Variants in GAPVD1 observed in about 807,000 individuals in gnomAD.
GAPVD1 encodes GTPase-activating protein and VPS9 domain-containing protein 1.
A neutral mutation model predicts 155.5 loss-of-function variants in GAPVD1; 35 were observed. The ratio of observed to expected loss-of-function variants is 0.23; its 90% CI spans 0.17 to 0.30. The LOEUF is 0.30. Ranked by LOEUF, GAPVD1 falls within the 10% of genes least tolerant of loss-of-function variation. GAPVD1 has a pLI of 1.00. For synonymous variants in GAPVD1, 636 were observed against 619.7 expected (o/e 1.03, Z -0.39); for missense variants, 1,429 against 1,775.7 (o/e 0.80, Z 3.51).
At chr9:125,355,051 A>G (rs1438072055) in intron 24 of GAPVD1, among the ~76,000 whole-genome samples, 1 of 152,234 alleles carries the variant, frequency 6.6e-6, no homozygotes, top group Non-Finnish European at 1.5e-5. Flanking sequence ...TACTTTTTAA[A>G]TTGGGGACAT....
chr9:125,301,960 GCT>G (rs1167037999), intron 4 of GAPVD1, 21 bp from the exon 5 acceptor site: 1 of 1,309,192 alleles, frequency 7.6e-7, no homozygotes, highest in South Asian at 1.4e-5. Flanking sequence ...TTGCTTGTTT[GCT>G]CTTTTTTTTT....
At chr9:125,281,202 A>C (rs1374199372) in intron 2 of GAPVD1, among the ~76,000 whole-genome samples, 1 of 152,220 alleles carries the variant, frequency 6.6e-6, no homozygotes, top group Non-Finnish European at 1.5e-5. Flanking sequence ...TGATAATTAC[A>C]GTGTTCGAAT....
intron 18 of GAPVD1, chr9:125,341,956 G>T: frequency 3.1e-6 from 1 of 318,212 alleles, no homozygotes; most frequent in Non-Finnish European, 5.8e-6. Context: ...TTGAGCAGAG[G>T]TTAAGAGTCA....
chr9:125,360,473 T>C (rs1184308591), intron 26 of GAPVD1, 55 bp from the exon 27 acceptor site: 2 of 1,424,050 alleles, frequency 1.4e-6, no homozygotes, highest in Non-Finnish European at 2.0e-6. Flanking sequence ...CAGTAGTCAC[T>C]GCGCAGGGTT....
chr9:125,316,833 GT>G (rs1843496163), intron 9 of GAPVD1, among the ~76,000 whole-genome samples: 1 of 152,202 alleles, frequency 6.6e-6, no homozygotes, highest in East Asian at 1.9e-4. Context: ...TTCCATAACA[GT>G]TGAACTAATT....
intron 4 of GAPVD1, 78 bp downstream of exon 4, chr9:125,299,184 G>A (rs1177292743): frequency 1.4e-6 from 1 of 731,318 alleles, no homozygotes; most frequent in African/African-American, 1.8e-5. Flanking sequence ...ATAAATAAAT[G>A]AATCTGTTTC....
chr9:125,306,456 T>G (rs867069832), intron 6 of GAPVD1, among the ~76,000 whole-genome samples: 7 of 152,178 alleles, frequency 4.6e-5, no homozygotes, highest in Non-Finnish European at 8.8e-5. Flanking sequence ...AGTAGCACAA[T>G]GTGTATACTG....
chr9:125,313,062 C>T (rs528139806), intron 9 of GAPVD1, among the ~76,000 whole-genome samples: 24 of 152,236 alleles, frequency 1.6e-4, no homozygotes, highest in African/African-American at 5.5e-4. Context: ...TGAGGTGATC[C>T]GCCTGCCTTT....
intron 2 of GAPVD1, among the ~76,000 whole-genome samples, chr9:125,276,945 G>T (rs1013760339): frequency 6.6e-6 from 1 of 151,450 alleles, no homozygotes. Context: ...TTTTTTTTTC[G>T]TAAATATGGA....
Position 125,346,892 on chromosome 9 carries a change from T to A in GAPVD1, c.3120T>A (p.Ile1040=). The change falls in exon 20 of 28, where the codon ATT becomes ATA. Residue 1040 remains isoleucine (I), a synonymous_variant. Coordinates refer to ENST00000297933, the MANE Select transcript of GAPVD1 (RefSeq NM_001282680.3). ...TTCTGGACAAATACAGGAATGCCAT[T>A]AAACGGACCAGCCCCAGTGATGGAG... ...EDILDKYRNA[I]KRTSPSDGAM... 1 of 1,613,362 alleles carries A rather than the reference T, an allele frequency of 6.2e-7. No homozygotes were observed. Among genetic ancestry groups the A allele is most frequent in the South Asian group, 1.1e-5 (1 of 91,070 alleles).
In GAPVD1 at chr9:125,302,790, T is replaced by A; in HGVS notation, c.993T>A (p.Ala331=). The A allele has an allele frequency of 6.2e-7, 1 of 1,610,508 alleles. No homozygotes were observed. Among genetic ancestry groups the A allele is most frequent in the South Asian group, 1.1e-5 (1 of 90,248 alleles). ...AACAATATGGAATAATTTCCGATGC[T>A]CCTATTAATGAAGTAGCACGATTTA... is the stretch of plus-strand genomic sequence containing the variant. ...NPEQYGIISD[A]PINEVARFNL... is the part of the protein sequence containing the mutation. The change falls in exon 5 of 28, where the codon GCT becomes GCA. Residue 331 remains alanine (A), a synonymous_variant. Coordinates refer to ENST00000297933, the MANE Select transcript of GAPVD1 (RefSeq NM_001282680.3).
At chr9:125,350,935 A>G in intron 23 of GAPVD1, 63 bp downstream of exon 23, 1 of 1,293,750 alleles carries the variant, frequency 7.7e-7, no homozygotes, top group Non-Finnish European at 1.1e-6. Context: ...TTTCTTTTTT[A>G]TCCTTATTTC....
chr9:125,274,273 C>A (rs1424330105), intron 2 of GAPVD1, among the ~76,000 whole-genome samples: 1 of 151,886 alleles, frequency 6.6e-6, no homozygotes, highest in Non-Finnish European at 1.5e-5. Flanking sequence ...CGGCCTCGGC[C>A]TCTCAAAGTG....
rs538958805 is a variant in GAPVD1 at position 125,358,990 on chromosome 9, C to T, written c.3972-430C>T. ...TTCCCTTTTTAAGCCTACTTCTCTT[C>T]ATCTACAAAGTGAAAGGTTGGGTGA... is the stretch of plus-strand genomic sequence containing the variant. On this transcript the variant is annotated intron_variant, in intron 25 of 27. Coordinates refer to ENST00000297933, the MANE Select transcript of GAPVD1 (RefSeq NM_001282680.3). Among the ~76,000 whole-genome samples, 3 of 152,372 alleles carry T rather than the reference C, an allele frequency of 2.0e-5. No individual in the cohort carries two copies. In the South Asian group the frequency reaches 6.2e-4, roughly 32 times the overall value.
At chr9:125,298,332 T>C (rs1253452133) in intron 3 of GAPVD1, among the ~76,000 whole-genome samples, 3 of 152,198 alleles carry the variant, frequency 2.0e-5, no homozygotes, top group Non-Finnish European at 4.4e-5. Flanking sequence ...AGCACCTGTC[T>C]CTAAGCGGTG....
intron 19 of GAPVD1, chr9:125,345,873 G>A (rs915695243): frequency 2.0e-5 from 3 of 152,022 alleles, no homozygotes; most frequent in Non-Finnish European, 1.5e-5. Flanking sequence ...ATAAGTGTGT[G>A]TGTGTGTGTG....
intron 2 of GAPVD1, among the ~76,000 whole-genome samples, chr9:125,291,111 A>G (rs1838525546): frequency 6.6e-6 from 1 of 151,868 alleles, no homozygotes; most frequent in African/African-American, 2.4e-5. Context: ...ACATAGGGAG[A>G]CCTCATCTCT....
intron 19 of GAPVD1, among the ~76,000 whole-genome samples, chr9:125,345,732 T>C (rs1033001887): frequency 2.0e-5 from 3 of 152,202 alleles, no homozygotes; most frequent in African/African-American, 7.2e-5. Context: ...GTTTGATCAG[T>C]AGTTGAGATA....
intron 9 of GAPVD1, among the ~76,000 whole-genome samples, chr9:125,315,226 G>A (rs951295146): frequency 6.6e-6 from 1 of 152,066 alleles, no homozygotes; most frequent in Admixed American, 6.6e-5. Context: ...TACCCCATAG[G>A]GAAGAAGACC....
Sources: allele counts gnomAD v4.1 joint callset (sites outside exome capture counted in the v4.1 genomes callset), GRCh38; gene constraint gnomAD v4.1.1; transcripts MANE v1.5; gene names NCBI Gene and HGNC (gene_info 2026-07-23, HGNC 2026-07-21).